Variants in ROS1 observed in about 807,000 individuals in gnomAD.
ROS1 encodes the protein proto-oncogene tyrosine-protein kinase ROS.
ROS1 carries 263 observed loss-of-function variants against 273.5 expected under a neutral mutation model. The observed-to-expected ratio is 0.96, with a 90% CI of 0.87 to 1.06. ROS1 has a LOEUF of 1.06. Among genes scored for constraint, ROS1 ranks in the 50% least tolerant of loss-of-function variants. The pLI is 0.00. For synonymous variants in ROS1, 1,008 were observed against 954.1 expected (o/e 1.06, Z -1.04); for missense variants, 2,833 against 2,751.1 (o/e 1.03, Z -0.67).
At position 117,319,940 on chromosome 6, in the gene ROS1, A is replaced by C. The variant is rs1207412705; in HGVS notation, c.5850T>G (p.Phe1950Leu). 1 of 1,613,478 alleles carries C rather than the reference A, an allele frequency of 6.2e-7. No individual in the cohort carries two copies. Among genetic ancestry groups the C allele is most frequent in the East Asian group, 2.2e-5 (1 of 44,856 alleles). Residue 1950 changes from phenylalanine (F) to leucine (L), a missense_variant, in exon 37 of 44, where the codon TTT (phenylalanine) becomes TTG (leucine). By Grantham distance (22) the Phe-to-Leu change is conservative. Transcript: ENST00000368507. ...TLRLLLGSGA[F>L]GEVYEGTAVD... ...CTGCTGTTCCTTCATACACTTCTCC[A>C]AAGGCTCCACTTCCCAGCAAGAGAC...
rs758953330 is a variant in ROS1, at chr6:117,416,286, A to G, written c.200T>C (p.Val67Ala). The change falls in exon 3 of 44, where the codon GTA (valine) becomes GCA (alanine). Residue 67 changes from valine to alanine, a missense_variant. Physicochemically the swap from Val to Ala is moderately conservative, Grantham distance 64. Transcript: ENST00000368507. ...CIQGCHFWNS[V>A]DQKNCALKCN... ...CTTTAAAGCACAGTTTTTCTGATCTACAGAGTTCCAAAAGTGACATCCTTG... is the reference window on the plus strand; with the variant it reads ...CTTTAAAGCACAGTTTTTCTGATCTGCAGAGTTCCAAAAGTGACATCCTTG... The G allele has an allele frequency of 1.0e-5, 16 of 1,600,600 alleles. No homozygotes were observed. Among genetic ancestry groups the G allele is most frequent in the Non-Finnish European group, 1.3e-5 (15 of 1,167,766 alleles).
intron 43 of ROS1, among the ~76,000 whole-genome samples, chr6:117,292,270 C>T (rs1034657919): frequency 2.0e-5 from 3 of 152,074 alleles, no homozygotes; most frequent in Admixed American, 1.3e-4. Context: ...GCGCCTGGCC[C>T]TCTGTGACTT....
intron 37 of ROS1, 70 bp downstream of exon 37, chr6:117,319,798 A>G: frequency 7.3e-7 from 1 of 1,373,568 alleles, no homozygotes; most frequent in Non-Finnish European, 1.0e-6. Context: ...CTTTTATTAT[A>G]ATTATATCCA....
At chr6:117,329,747 A>AGGGGAACC (rs2128594688) in intron 32 of ROS1, among the ~76,000 whole-genome samples, 1 of 152,186 alleles carries the variant, frequency 6.6e-6, no homozygotes, top group East Asian at 1.9e-4. Flanking sequence ...CACACGGGGA[A>AGGGGAACC]GGGGAACCCC....
chr6:117,424,206 T>C (rs1034083093), intron 1 of ROS1, among the ~76,000 whole-genome samples: 7 of 152,060 alleles, frequency 4.6e-5, no homozygotes, highest in African/African-American at 9.7e-5. Flanking sequence ...ACTCTAAAGA[T>C]AATAAAGATT....
chr6:117,384,540 A>G (rs1433530795), intron 16 of ROS1, among the ~76,000 whole-genome samples: 1 of 152,236 alleles, frequency 6.6e-6, no homozygotes, highest in African/African-American at 2.4e-5. Context: ...GGACAAATAA[A>G]TAAATGGACA....
intron 16 of ROS1, 82 bp downstream of exon 16, chr6:117,385,601 A>T: frequency 7.8e-7 from 1 of 1,280,290 alleles, no homozygotes; most frequent in South Asian, 1.4e-5. Flanking sequence ...GGTATTTAAA[A>T]AAAAAAAAGA....
At chr6:117,367,517 A>G (rs1178944590) in intron 18 of ROS1, among the ~76,000 whole-genome samples, 1 of 152,144 alleles carries the variant, frequency 6.6e-6, no homozygotes, top group Admixed American at 6.5e-5. Context: ...TAAAGCAACC[A>G]CCTCACATCT....
chr6:117,339,176 G>A (rs368590081), intron 31 of ROS1, among the ~76,000 whole-genome samples: 4 of 152,192 alleles, frequency 2.6e-5, no homozygotes, highest in Non-Finnish European at 4.4e-5. Context: ...ACCCAAATTC[G>A]TAAACTTTCT....
chr6:117,362,998 T>G (rs1779930804), intron 21 of ROS1, 133 bp from the exon 22 acceptor site: 7 of 791,662 alleles, frequency 8.8e-6, no homozygotes, highest in Non-Finnish European at 1.1e-5. Flanking sequence ...GTATATTTAT[T>G]ACATTCTTAA....
At chr6:117,391,773 C>A (rs1271703847) in intron 12 of ROS1, among the ~76,000 whole-genome samples, 2 of 152,128 alleles carry the variant, frequency 1.3e-5, no homozygotes, top group African/African-American at 4.8e-5. Flanking sequence ...CTGGTTCCAT[C>A]GCAAAACAGC....
chr6:117,328,059 C>T (rs1167549890), intron 33 of ROS1, among the ~76,000 whole-genome samples: 1 of 152,152 alleles, frequency 6.6e-6, no homozygotes, highest in Non-Finnish European at 1.5e-5. Context: ...CTGTTTCAAG[C>T]CACCCAGTTG....
intron 32 of ROS1, among the ~76,000 whole-genome samples, chr6:117,330,340 A>AG (rs1776989151): frequency 6.6e-6 from 1 of 152,044 alleles, no homozygotes; most frequent in Admixed American, 6.5e-5. Context: ...CTGAGCCCCT[A>AG]GGGGGAGGGG....
chr6:117,360,383 C>T lies in ROS1; in HGVS notation c.3389G>A (p.Gly1130Glu), dbSNP rs142442666. ...TACAACGTCAGCATATGGTCCTGGC[C>T]CCTTAGATGTAAAGGCCCTAACCTA... ...AFQVRAFTSKGPGPYADVVKS... is the reference protein window; with the variant it reads ...AFQVRAFTSKEPGPYADVVKS... The change falls in exon 23 of 44, where the codon GGG becomes GAG. Residue 1130 changes from glycine to glutamate, a missense_variant. Physicochemically the swap from Gly to Glu is moderately conservative, Grantham distance 98. Transcript: ENST00000368507. The T allele has an allele frequency of 4.3e-5, 69 of 1,613,144 alleles. No homozygotes were observed. The highest frequency in any genetic ancestry group is 5.3e-5 in the Non-Finnish European group (63 of 1,179,706).
chr6:117,307,910 A>AGC (rs1246554741), intron 42 of ROS1, among the ~76,000 whole-genome samples: 4 of 152,108 alleles, frequency 2.6e-5, no homozygotes, highest in Non-Finnish European at 4.4e-5. Context: ...GCACTTTATT[A>AGC]CATGTTGGCT....
chr6:117,386,218 T>C (rs939111150), intron 15 of ROS1, among the ~76,000 whole-genome samples: 1 of 152,246 alleles, frequency 6.6e-6, no homozygotes, highest in Non-Finnish European at 1.5e-5. Flanking sequence ...GGCTCACAGA[T>C]ACATCAAGAG....
At chr6:117,345,704 A>G (rs1778321307) in intron 27 of ROS1, among the ~76,000 whole-genome samples, 2 of 152,232 alleles carry the variant, frequency 1.3e-5, no homozygotes, top group African/African-American at 4.8e-5. Context: ...TGTCTTGGGA[A>G]GGTTACTCCA....
chr6:117,307,141 T>C (rs1336642849), intron 42 of ROS1, among the ~76,000 whole-genome samples: 1 of 152,160 alleles, frequency 6.6e-6, no homozygotes, highest in African/African-American at 2.4e-5. Context: ...TACCTTTAGA[T>C]AGAGCAAAGT....
At chr6:117,342,638 G>T (rs566972482) in intron 28 of ROS1, 94 bp from the exon 29 acceptor site, 7 of 827,024 alleles carry the variant, frequency 8.5e-6, no homozygotes, top group African/African-American at 1.8e-5. Flanking sequence ...AAAGTTAAAG[G>T]CTCAAAAAAA....
Sources: gnomAD v4.1 joint callset for allele counts (sites outside exome capture counted in the v4.1 genomes callset) on GRCh38, gnomAD v4.1.1 for gene constraint, MANE v1.5 for transcripts, NCBI Gene and HGNC (gene_info 2026-07-23, HGNC 2026-07-21) for gene names.